Variants in PPP6R3 observed in about 807,000 individuals in gnomAD.
PPP6R3 encodes the protein protein phosphatase 6 regulatory subunit 3, also known as serine/threonine-protein phosphatase 6 regulatory subunit 3.
A neutral mutation model predicts 110.7 loss-of-function variants in PPP6R3; 38 were observed. That is an observed-to-expected ratio of 0.34 (90% confidence interval 0.26 to 0.45). The LOEUF (loss-of-function observed/expected upper bound fraction) is 0.45. PPP6R3 is among the 20% of genes least tolerant of loss of function. The pLI is 1.00. For missense variants in PPP6R3, 870 were observed against 1,062.4 expected, an observed-to-expected ratio of 0.82 and a Z score of 2.52; for synonymous variants, 369 against 373.5, an observed-to-expected ratio of 0.99 and a Z score of 0.14.
intron 3 of PPP6R3, among the ~76,000 whole-genome samples, chr11:68,542,398 T>TTGTTTTTTTTTTG (rs1346036684): frequency 2.7e-5 from 3 of 111,746 alleles, no homozygotes; most frequent in African/African-American, 1.0e-4. Flanking sequence ...TGTTTTTTTT[T>TTGTTTTTTTTTTG]TTTTTTTTTT....
intron 6 of PPP6R3, 33 bp from the exon 7 acceptor site, chr11:68,554,112 T>C: frequency 6.9e-7 from 1 of 1,459,530 alleles, no homozygotes; most frequent in Non-Finnish European, 9.5e-7. Context: ...TTCTAACATG[T>C]TTTATGGTTA....
chr11:68,552,055 G>C (rs2099383338), intron 6 of PPP6R3, among the ~76,000 whole-genome samples: 1 of 152,196 alleles, frequency 6.6e-6, no homozygotes, highest in Non-Finnish European at 1.5e-5. Context: ...AATGCCTGTT[G>C]GGACCAGTGG....
chr11:68,588,879 C>T (rs888044320), intron 16 of PPP6R3, among the ~76,000 whole-genome samples: 38 of 152,062 alleles, frequency 2.5e-4, no homozygotes, highest in African/African-American at 9.2e-4. Flanking sequence ...GTTCTTAATT[C>T]TAGCTCTTAA....
At chr11:68,563,360 C>CT (rs1372077856) in intron 8 of PPP6R3, among the ~76,000 whole-genome samples, 1 of 152,196 alleles carries the variant, frequency 6.6e-6, no homozygotes, top group Non-Finnish European at 1.5e-5. Flanking sequence ...TCTGCATCCT[C>CT]TTTACATTGC....
In PPP6R3 at chr11:68,549,962, G is replaced by A. The variant is rs562936742; in HGVS notation, c.553-1159G>A. 5.9e-5 allele frequency among the ~76,000 whole-genome samples: 9 copies of A among 152,246 alleles called. No homozygotes were observed. The South Asian group carries it at 1.0e-3, about 18-fold the overall frequency. Reference sequence around the variant, plus strand: ...GGAGTCTGGGATTGATTAGTTCGCCGCCTGGAAAGTTTCCTGGTTTCTCCT... The same window carrying A: ...GGAGTCTGGGATTGATTAGTTCGCCACCTGGAAAGTTTCCTGGTTTCTCCT... On this transcript the variant is annotated intron_variant, in intron 5 of 23. Coordinates refer to ENST00000393800, the MANE Select transcript of PPP6R3 (RefSeq NM_001164161.2).
chr11:68,613,235 G>A lies in PPP6R3; in HGVS notation c.*118G>A. On this transcript the variant is annotated 3_prime_UTR_variant, in exon 24 of 24. Transcript: ENST00000393800. ...GCTGCACTCACTCTGCAAGGGATCA[G>A]GACCAGCAACCTTTATATTCTAGAT... 1 of 1,474,096 alleles carries A rather than the reference G, an allele frequency of 6.8e-7. No individual in the cohort carries two copies. The highest frequency in any genetic ancestry group is 1.4e-5 in the South Asian group (1 of 72,586). The allele number at this position is 1,474,096 out of a possible 1,614,324, so 91.3% of individuals were successfully genotyped here. A position where few individuals can be genotyped will look rare whatever the true frequency, so the allele number is the denominator to read the frequency against.
intron 2 of PPP6R3, among the ~76,000 whole-genome samples, chr11:68,530,104 T>A (rs1004378383): frequency 1.3e-5 from 2 of 152,254 alleles, no homozygotes; most frequent in African/African-American, 2.4e-5. Context: ...ACTTTTAAAT[T>A]TAATGTCATT....
At chr11:68,510,945 T>A (rs2099105660) in intron 1 of PPP6R3, among the ~76,000 whole-genome samples, 1 of 152,228 alleles carries the variant, frequency 6.6e-6, no homozygotes, top group South Asian at 2.1e-4. Flanking sequence ...TTCTCTCCTT[T>A]ACTGCACCTT....
intron 1 of PPP6R3, among the ~76,000 whole-genome samples, chr11:68,496,924 C>T (rs1354393104): frequency 7.8e-6 from 1 of 128,244 alleles, no homozygotes; most frequent in Non-Finnish European, 1.5e-5. Flanking sequence ...TGCAGTGGTG[C>T]AATCTCGGCT....
chr11:68,537,609 T>C (rs999338431), intron 2 of PPP6R3, 50 bp from the exon 3 acceptor site: 12 of 1,246,842 alleles, frequency 9.6e-6, no homozygotes, highest in Admixed American at 2.4e-5. Context: ...TTATGGAAAA[T>C]TAATTTGTAA....
chr11:68,464,292 C>T (rs1045132992), intron 1 of PPP6R3, among the ~76,000 whole-genome samples: 3 of 152,094 alleles, frequency 2.0e-5, no homozygotes, highest in African/African-American at 4.8e-5. Flanking sequence ...CCACCATGCC[C>T]GGCTGTTTTT....
chr11:68,583,976 G>A (rs557204148), intron 15 of PPP6R3, among the ~76,000 whole-genome samples: 1 of 152,052 alleles, frequency 6.6e-6, no homozygotes, highest in Non-Finnish European at 1.5e-5. Flanking sequence ...GCTTATGCTG[G>A]CCCTGTCTTT....
chr11:68,598,349 T>G (rs571009615), intron 19 of PPP6R3, among the ~76,000 whole-genome samples: 2 of 152,348 alleles, frequency 1.3e-5, no homozygotes, highest in South Asian at 4.1e-4. Context: ...GGAAACACAC[T>G]TGGCTGGACT....
chr11:68,466,064 G>A (rs889854255), intron 1 of PPP6R3, among the ~76,000 whole-genome samples: 2 of 152,172 alleles, frequency 1.3e-5, no homozygotes, highest in Non-Finnish European at 2.9e-5. Flanking sequence ...AGACCCGTCC[G>A]AAGCTTGCTG....
chr11:68,547,156 C>G (rs535831467), intron 4 of PPP6R3, among the ~76,000 whole-genome samples: 1 of 152,068 alleles, frequency 6.6e-6, no homozygotes, highest in Non-Finnish European at 1.5e-5. Flanking sequence ...AATTTTAAAT[C>G]CCAGGCAGCC....
At position 68,551,677 on chromosome 11, in the gene PPP6R3, C is replaced by T. The variant is rs372251412; in HGVS notation, c.618+491C>T. 1.6e-4 allele frequency among the ~76,000 whole-genome samples: 25 copies of T among 152,122 alleles called. No homozygotes were observed. The East Asian group carries it at 2.5e-3, about 15-fold the overall frequency. On this transcript the variant is annotated intron_variant, in intron 6 of 23. Transcript: ENST00000393800. The stretch of plus-strand genomic sequence containing the variant: ...TAATTTTTGTATTGTTAGTAGAGAC[C>T]GGGGTTTCACCATCTTGGACAGGCT...
chr11:68,471,353 T>C (rs549430777), intron 1 of PPP6R3, among the ~76,000 whole-genome samples: 36 of 150,376 alleles, frequency 2.4e-4, no homozygotes, highest in Non-Finnish European at 3.8e-4. Context: ...AGTCCCGAGG[T>C]TGAGTGAGGC....
At chr11:68,525,129 A>G (rs1265734348) in intron 2 of PPP6R3, among the ~76,000 whole-genome samples, 2 of 152,218 alleles carry the variant, frequency 1.3e-5, no homozygotes, top group African/African-American at 4.8e-5. Flanking sequence ...CATGTTTACT[A>G]GCTCTGGTCT....
chr11:68,614,520 T>TTTTTTAGAAGTAGC lies in PPP6R3; in HGVS notation c.*1404_*1417dup. 1 of 1,430,034 alleles carries TTTTTTAGAAGTAGC rather than the reference T, an allele frequency of 7.0e-7. No homozygotes were observed. Among genetic ancestry groups the TTTTTTAGAAGTAGC allele is most frequent in the Non-Finnish European group, 9.1e-7 (1 of 1,094,718 alleles). 88.6% of individuals were successfully genotyped at this position (1,430,034 alleles called of 1,614,324 possible). Reference sequence around the variant, plus strand: ...GATATTCTGAAAAATGGCCAACAATTTTTTTAGAAGTAGCATCCCAAGCAG... The same window carrying TTTTTTAGAAGTAGC: ...GATATTCTGAAAAATGGCCAACAATTTTTTTAGAAGTAGCTTTTTAGAAGTAGCATCCCAAGCAG... On this transcript the variant is annotated 3_prime_UTR_variant, in exon 24 of 24. Coordinates refer to ENST00000393800, the MANE Select transcript of PPP6R3 (RefSeq NM_001164161.2).
Sources: gnomAD v4.1 joint callset for allele counts (sites outside exome capture counted in the v4.1 genomes callset) on GRCh38, gnomAD v4.1.1 for gene constraint, MANE v1.5 for transcripts, NCBI Gene and HGNC (gene_info 2026-07-23, HGNC 2026-07-21) for gene names.